Variants in LARP1 observed in about 807,000 individuals in gnomAD.
LARP1 encodes the protein La ribonucleoprotein 1, translational regulator.
A neutral mutation model predicts 122.7 loss-of-function variants in LARP1; 36 were observed. That is an observed-to-expected ratio of 0.29 (90% CI 0.22 to 0.39). The LOEUF (loss-of-function observed/expected upper bound fraction) is 0.39. LARP1 is among the 10% of genes least tolerant of loss of function. The pLI is 1.00. For missense variants in LARP1, 1,040 were observed against 1,403.6 expected (o/e 0.74, Z 4.14); for synonymous variants, 539 against 528.7 (o/e 1.02, Z -0.27).
At chr5:154,769,493 A>C (rs1286625997) in intron 1 of LARP1, among the ~76,000 whole-genome samples, 1 of 152,214 alleles carries the variant, frequency 6.6e-6, no homozygotes, top group Non-Finnish European at 1.5e-5. Flanking sequence ...TTAAGGTCTT[A>C]GGGTAGGAGT....
At chr5:154,764,268 C>T (rs1754723806) in intron 1 of LARP1, among the ~76,000 whole-genome samples, 3 of 149,094 alleles carry the variant, frequency 2.0e-5, no homozygotes, top group Admixed American at 1.3e-4. Context: ...TGAGATTGCA[C>T]CATTGCACTC....
rs77196329 is a variant in LARP1 at position 154,783,161 on chromosome 5, C to T, written c.437-7164C>T. ...GCTTAGGGAGATAGTGGTGGCCTTC[C>T]TTATATCTGGGGGCTGAGGGTGGGG... is the stretch of plus-strand genomic sequence containing the variant. On this transcript the variant is annotated intron_variant, in intron 1 of 18. Transcript: ENST00000518297. 7.2e-5 allele frequency among the ~76,000 whole-genome samples: 11 copies of T among 152,262 alleles called. No homozygotes were observed. In the East Asian group the frequency reaches 2.1e-3, roughly 29 times the overall value.
intron 8 of LARP1, among the ~76,000 whole-genome samples, chr5:154,797,221 GTTTTTTTTTTTTTTTTTT>G (rs1158010359): frequency 3.4e-5 from 1 of 29,748 alleles, no homozygotes; most frequent in African/African-American, 1.0e-4. Flanking sequence ...TGTTGTTGTT[GTTTTTTTTTTTTTTTTTT>G]TTTTTTTTTT....
At chr5:154,713,186 A>C (rs1015060007) in intron 1 of LARP1, 6 of 1,482,074 alleles carry the variant, frequency 4.0e-6, no homozygotes, top group Non-Finnish European at 4.6e-6. Flanking sequence ...TGTGGTAGGA[A>C]GATCCTTCTC....
At chr5:154,728,568 G>A (rs1032816861) in intron 1 of LARP1, among the ~76,000 whole-genome samples, 9 of 152,138 alleles carry the variant, frequency 5.9e-5, no homozygotes, top group South Asian at 2.1e-4. Context: ...AGGCAGAGCC[G>A]ACAGCCAACA....
At chr5:154,779,845 G>C (rs1756271781) in intron 1 of LARP1, among the ~76,000 whole-genome samples, 1 of 152,110 alleles carries the variant, frequency 6.6e-6, no homozygotes, top group Non-Finnish European at 1.5e-5. Context: ...CTGGTGCCTT[G>C]AGAGCATCCG....
intron 16 of LARP1, among the ~76,000 whole-genome samples, chr5:154,809,044 A>G (rs1284886531): frequency 1.3e-5 from 2 of 152,140 alleles, no homozygotes; most frequent in Non-Finnish European, 2.9e-5. Context: ...TCTGTACATA[A>G]TTAACTTTGT....
intron 1 of LARP1, among the ~76,000 whole-genome samples, chr5:154,721,107 C>G (rs1446214636): frequency 6.6e-6 from 1 of 151,804 alleles, no homozygotes; most frequent in African/African-American, 2.4e-5. Flanking sequence ...CTTTGGGAAG[C>G]TGAGGTGGGA....
At chr5:154,683,471 C>A (rs1353654631) in intron 1 of LARP1, among the ~76,000 whole-genome samples, 3 of 152,190 alleles carry the variant, frequency 2.0e-5, no homozygotes, top group Non-Finnish European at 4.4e-5. Context: ...CCCATGATAA[C>A]TCTAGCCTAT....
intron 1 of LARP1, among the ~76,000 whole-genome samples, chr5:154,762,174 C>T (rs1754507262): frequency 2.0e-5 from 3 of 152,020 alleles, no homozygotes; most frequent in Admixed American, 6.6e-5. Context: ...ACCGGGGAGG[C>T]GGAGGTTGCA....
At chr5:154,795,945 A>T (rs1247496934) in intron 8 of LARP1, among the ~76,000 whole-genome samples, 7 of 113,252 alleles carry the variant, frequency 6.2e-5, no homozygotes, top group African/African-American at 2.5e-4. Context: ...TTATATATTT[A>T]TATATTATAT....
chr5:154,738,374 C>T (rs940197299), intron 1 of LARP1, among the ~76,000 whole-genome samples: 2 of 151,982 alleles, frequency 1.3e-5, no homozygotes, highest in Admixed American at 6.6e-5. Flanking sequence ...GGTGGATCGC[C>T]TGAGGTCAGG....
Position 154,799,862 on chromosome 5 carries a change from C to T in LARP1, c.1547-11C>T, listed in dbSNP as rs373899431. On this transcript the variant is annotated splice_polypyrimidine_tract_variant and intron_variant, in intron 9 of 18. Transcript: ENST00000518297. ...CTGGAGGGATGAGGACTTCCCCTTTCCACCCTTTAGAGTCGGCACCTGGCT... is the reference window on the plus strand; with the variant it reads ...CTGGAGGGATGAGGACTTCCCCTTTTCACCCTTTAGAGTCGGCACCTGGCT... The T allele has an allele frequency of 5.6e-6, 9 of 1,612,866 alleles. No individual in the cohort carries two copies. Among genetic ancestry groups the T allele is most frequent in the Non-Finnish European group, 5.9e-6 (7 of 1,179,262 alleles).
chr5:154,778,258 T>TTAAAAAAAAAAA (rs1326085254), intron 1 of LARP1, among the ~76,000 whole-genome samples: 2 of 119,710 alleles, frequency 1.7e-5, no homozygotes, highest in Non-Finnish European at 1.8e-5. Context: ...AGACTCCGTC[T>TTAAAAAAAAAAA]AAAAAAAAAA....
At chr5:154,809,686 A>G (rs1039797185) in intron 16 of LARP1, among the ~76,000 whole-genome samples, 2 of 149,912 alleles carry the variant, frequency 1.3e-5, no homozygotes, top group African/African-American at 4.9e-5. Flanking sequence ...TTAAGTATAC[A>G]TTTATACTAT....
chr5:154,789,218 A>ATTT (rs1331621712), intron 1 of LARP1, among the ~76,000 whole-genome samples: 2 of 80,066 alleles, frequency 2.5e-5, no homozygotes, highest in Non-Finnish European at 5.1e-5. Context: ...CTCAAAACAA[A>ATTT]CTTTTTTTTT....
At chr5:154,719,542 C>T (rs1043180432) in intron 1 of LARP1, among the ~76,000 whole-genome samples, 2 of 152,152 alleles carry the variant, frequency 1.3e-5, no homozygotes, top group Non-Finnish European at 2.9e-5. Context: ...TTTATTAGTA[C>T]ATTAAAAATG....
At chr5:154,718,203 G>A (rs2113332124) in intron 1 of LARP1, among the ~76,000 whole-genome samples, 1 of 152,226 alleles carries the variant, frequency 6.6e-6, no homozygotes, top group South Asian at 2.1e-4. Context: ...ATTATAGGCA[G>A]AGCCACCTCA....
chr5:154,813,760 TTTTAAGGTTAAACCCA>T (rs1258304704), intron 18 of LARP1, 111 bp from the exon 19 acceptor site: 1 of 787,496 alleles, frequency 1.3e-6, no homozygotes, highest in Admixed American at 2.3e-5. Context: ...TATAATTTAT[TTTTAAGGTTAAACCCA>T]TTCATTTTCT....
Sources: allele counts gnomAD v4.1 joint callset (sites outside exome capture counted in the v4.1 genomes callset), GRCh38; gene constraint gnomAD v4.1.1; transcripts MANE v1.5; gene names NCBI Gene and HGNC (gene_info 2026-07-23, HGNC 2026-07-21).